Variants in PAPPA observed in about 807,000 individuals in gnomAD.
The protein encoded by PAPPA is pappalysin-1.
A neutral mutation model predicts 164.0 loss-of-function variants in PAPPA; 60 were observed. That is an observed-to-expected ratio of 0.37 (90% CI 0.30 to 0.45). PAPPA has a LOEUF of 0.45. Among genes scored for constraint, PAPPA ranks in the 20% least tolerant of loss-of-function variants. The probability of loss-of-function intolerance (pLI) is 1.00; values close to 1 mark genes in which losing one functional copy is unlikely to be tolerated. For missense variants in PAPPA, 1,782 were observed against 2,087.3 expected (o/e 0.85, Z 2.85); for synonymous variants, 875 against 814.1 (o/e 1.07, Z -1.27).
chr9:116,273,538 A>G (rs756740433), intron 9 of PAPPA, among the ~76,000 whole-genome samples: 59 of 152,304 alleles, frequency 3.9e-4, no homozygotes, highest in African/African-American at 1.4e-3. Flanking sequence ...ATGCTTGTTT[A>G]CTGGAGCCAG....
chr9:116,332,429 G>C lies in PAPPA; in HGVS notation c.3358G>C (p.Val1120Leu), dbSNP rs1392197984. 3 of 1,613,808 alleles carry C rather than the reference G, an allele frequency of 1.9e-6. No individual in the cohort carries two copies. The highest frequency in any genetic ancestry group is 1.1e-5 in the South Asian group (1 of 91,072). The change falls in exon 12 of 22, where the codon GTG becomes CTG. Residue 1120 changes from valine (V) to leucine (L), a missense_variant. By Grantham distance (32) the Val-to-Leu change is conservative (BLOSUM62 1). Coordinates refer to ENST00000328252, the MANE Select transcript of PAPPA (RefSeq NM_002581.5). ...YGDQKQETIS[V>L]QLLDTKDQSH... ...GGACCAAAAGCAGGAGACCATCAGC[G>C]TGCAGCTGCTTGATACCAAAGATCA...
intron 9 of PAPPA, among the ~76,000 whole-genome samples, chr9:116,302,444 A>C (rs1845590714): frequency 6.6e-6 from 1 of 151,548 alleles, no homozygotes; most frequent in African/African-American, 2.4e-5. Context: ...GAGCTTCCCT[A>C]CTTTACATGC....
chr9:116,154,206 C>T lies in PAPPA; in HGVS notation c.34C>T (p.Leu12=), dbSNP rs771611765. Residue 12 remains leucine, a synonymous_variant, in exon 1 of 22, where the codon CTG becomes TTG. Transcript: ENST00000328252. The surrounding 1 kb of genome is among the most constrained non-coding windows in gnomAD (Gnocchi z 5.2). ...CTGGAGTTGGGTGCTGCACCTGGGG[C>T]TGCTGAGCGCCGCGCTGGGCTGCGG... The part of the protein sequence containing the change: ...RLWSWVLHLG[L]LSAALGCGLA... The T allele has an allele frequency of 6.8e-7, 1 of 1,479,616 alleles. No individual in the cohort carries two copies. The highest frequency in any genetic ancestry group is 1.2e-5 in the South Asian group (1 of 82,774). 91.7% of individuals were successfully genotyped at this position (1,479,616 alleles called of 1,614,324 possible).
chr9:116,323,119 A>G (rs1434675719), intron 10 of PAPPA, among the ~76,000 whole-genome samples: 2 of 152,058 alleles, frequency 1.3e-5, no homozygotes, highest in Admixed American at 1.3e-4. Context: ...CTTTGTGTAC[A>G]TCGTGTGTGG....
chr9:116,251,140 C>A (rs1844855346), intron 7 of PAPPA, among the ~76,000 whole-genome samples: 1 of 152,168 alleles, frequency 6.6e-6, no homozygotes, highest in South Asian at 2.1e-4. Flanking sequence ...TTCTAAGAAG[C>A]AAGGCTTACA....
chr9:116,269,747 G>A (rs908261850), intron 8 of PAPPA, among the ~76,000 whole-genome samples: 5 of 152,318 alleles, frequency 3.3e-5, no homozygotes, highest in African/African-American at 1.2e-4. Context: ...GTGGCTTAGG[G>A]AACCAGCCCA....
At chr9:116,327,679 G>A (rs143831182) in intron 10 of PAPPA, among the ~76,000 whole-genome samples, 40 of 152,222 alleles carry the variant, frequency 2.6e-4, no homozygotes, top group African/African-American at 9.4e-4. Flanking sequence ...GGCCAACTTT[G>A]TATCATGGGC....
intron 1 of PAPPA, among the ~76,000 whole-genome samples, chr9:116,170,743 A>G (rs1843767159): frequency 6.6e-6 from 1 of 151,100 alleles, no homozygotes; most frequent in Admixed American, 6.6e-5. Flanking sequence ...CCATCCATCT[A>G]TCCATCCATC....
At chr9:116,208,937 A>T (rs919711257) in intron 3 of PAPPA, among the ~76,000 whole-genome samples, 1 of 152,094 alleles carries the variant, frequency 6.6e-6, no homozygotes, top group South Asian at 2.1e-4. Flanking sequence ...GCCCCAGGAG[A>T]CATTTGGCAA....
intron 1 of PAPPA, among the ~76,000 whole-genome samples, chr9:116,166,721 G>T (rs1226526927): frequency 2.0e-5 from 3 of 152,188 alleles, no homozygotes; most frequent in Non-Finnish European, 4.4e-5. Context: ...GGGTTATAAA[G>T]TTGCATGACT....
intron 9 of PAPPA, among the ~76,000 whole-genome samples, chr9:116,293,999 T>C (rs1845470355): frequency 6.6e-6 from 1 of 152,174 alleles, no homozygotes; most frequent in South Asian, 2.1e-4. Flanking sequence ...AAAATATTCA[T>C]ATTTTAGATA....
intron 9 of PAPPA, chr9:116,285,689 A>T (rs1845330317): frequency 6.6e-6 from 1 of 152,120 alleles, no homozygotes; most frequent in Non-Finnish European, 1.5e-5. Context: ...TCATTTACAT[A>T]TCTCCCCTCT....
Position 116,154,084 on chromosome 9 carries a change from C to G in PAPPA, c.-89C>G. The G allele has an allele frequency of 2.7e-5, 32 of 1,177,418 alleles. No individual in the cohort carries two copies. Among genetic ancestry groups the G allele is most frequent in the Non-Finnish European group, 3.3e-5 (31 of 945,946 alleles). The allele number at this position is 1,177,418 out of a possible 1,614,324, so 72.9% of individuals were successfully genotyped here. A position where few individuals can be genotyped will look rare whatever the true frequency, so the allele number is the denominator to read the frequency against. ...GGCTCGCCCAAGAAGGGTGAAGAAG[C>G]GAAGAAAGTCGAGGCGCCGAGGCTC... On this transcript the variant is annotated 5_prime_UTR_variant, in exon 1 of 22. Transcript: ENST00000328252. This position sits in a 1 kb window ranked among gnomAD's most constrained non-coding sequence, Gnocchi z 5.2.
At chr9:116,257,135 G>A (rs1299619461) in intron 7 of PAPPA, among the ~76,000 whole-genome samples, 5 of 151,870 alleles carry the variant, frequency 3.3e-5, no homozygotes, top group African/African-American at 1.2e-4. Context: ...ATTCAGCAAT[G>A]TATTAAAAAC....
Position 116,271,229 on chromosome 9 carries a change from T to C in PAPPA, c.2862-96T>C. ...CAGAGAAAGGGATTTGTGCAAGGTCTCACTGAAGGTTCATGGCCCAGGGAG... is the reference window on the plus strand; with the variant it reads ...CAGAGAAAGGGATTTGTGCAAGGTCCCACTGAAGGTTCATGGCCCAGGGAG... On this transcript the variant is annotated intron_variant, in intron 8 of 21. Transcript: ENST00000328252. The surrounding 1 kb of genome is among the most constrained non-coding windows in gnomAD (Gnocchi z 4.2). 1 of 761,560 alleles carries C rather than the reference T, an allele frequency of 1.3e-6. No individual in the cohort carries two copies. Among genetic ancestry groups the C allele is most frequent in the Non-Finnish European group, 2.3e-6 (1 of 426,910 alleles). 47.2% of individuals were successfully genotyped at this position (761,560 alleles called of 1,614,324 possible).
At chr9:116,213,142 G>A (rs1378975851) in intron 4 of PAPPA, among the ~76,000 whole-genome samples, 3 of 152,178 alleles carry the variant, frequency 2.0e-5, no homozygotes, top group African/African-American at 7.2e-5. Flanking sequence ...TATGAGTAGG[G>A]CTTTAGGCTC....
Position 116,331,347 on chromosome 9 carries a change from T to G in PAPPA, c.3251T>G (p.Phe1084Cys). ...TATTCCCAGCTGGCTCAGACCACTTTTTGGCTCCGGGTAAGCTGAAGCTCT... is the reference window on the plus strand; with the variant it reads ...TATTCCCAGCTGGCTCAGACCACTTGTTGGCTCCGGGTAAGCTGAAGCTCT... ...YPYSQLAQTT[F>C]WLRAYFSQPM... The change falls in exon 11 of 22, where the codon TTT becomes TGT. Residue 1084 changes from phenylalanine to cysteine, a missense_variant. Phe to Cys is a radical substitution (Grantham distance 205). Around this residue, in one of 2 missense-constraint regions of PAPPA, gnomAD observed 1,324 missense variants for 1,656.9 expected, o/e 0.80. Transcript: ENST00000328252. 6.2e-7 allele frequency: 1 copy of G among 1,607,724 alleles called. No homozygotes were observed. The highest frequency in any genetic ancestry group is 8.5e-7 in the Non-Finnish European group (1 of 1,174,106).
chr9:116,291,882 A>G (rs1387788631), intron 9 of PAPPA, among the ~76,000 whole-genome samples: 1 of 152,042 alleles, frequency 6.6e-6, no homozygotes, highest in African/African-American at 2.4e-5. Context: ...CAGTAAAGGA[A>G]ATAAAACAAT....
Position 116,154,560 on chromosome 9 carries a change from G to T in PAPPA, c.388G>T (p.Gly130Cys). The change falls in exon 1 of 22, where the codon GGC becomes TGC. Residue 130 changes from glycine (G) to cysteine (C), a missense_variant. Gly to Cys is a radical substitution (Grantham distance 159, BLOSUM62 -3). Transcript: ENST00000328252. This position sits in a 1 kb window ranked among gnomAD's most constrained non-coding sequence, Gnocchi z 5.2. ...TLQVWLRAEG[G>C]QRSPAVITGL... ...GCAAGTGTGGCTGCGAGCGGAGGGG[G>T]GCCAGAGGTCTCCGGCAGTGATCAC... 7.8e-6 allele frequency: 11 copies of T among 1,405,110 alleles called. No individual in the cohort carries two copies. The highest frequency in any genetic ancestry group is 1.0e-5 in the Non-Finnish European group (11 of 1,077,492). 87.0% of individuals were successfully genotyped at this position (1,405,110 alleles called of 1,614,324 possible). A position where few individuals can be genotyped will look rare whatever the true frequency, so the allele number is the denominator to read the frequency against.
Sources: gnomAD v4.1 joint callset for allele counts (sites outside exome capture counted in the v4.1 genomes callset) on GRCh38, gnomAD v4.1.1 for gene constraint, gnomAD v4.1.1 regional missense constraint, Gnocchi (gnomAD v3.1) non-coding constraint, MANE v1.5 for transcripts, NCBI Gene and HGNC (gene_info 2026-07-23, HGNC 2026-07-21) for gene names.